The following ADARB2 variants were observed in gnomAD, a reference collection of about 807,000 sequenced individuals.
ADARB2 encodes adenosine deaminase RNA specific B2 (inactive).
In ADARB2, 25 loss-of-function variants were observed where a neutral mutation model predicts 62.2. That is an observed-to-expected ratio of 0.40 (90% confidence interval 0.29 to 0.56). ADARB2 has a LOEUF of 0.56. Among genes scored for constraint, ADARB2 ranks in the 20% least tolerant of loss-of-function variants. The probability of loss-of-function intolerance (pLI) is 0.43; values close to 1 mark genes in which losing one functional copy is unlikely to be tolerated. For missense variants in ADARB2, 1,071 were observed against 1,077.4 expected, an observed-to-expected ratio of 0.99 and a Z score of 0.08; for synonymous variants, 572 against 500.8, an observed-to-expected ratio of 1.14 and a Z score of -1.90.
intron 6 of ADARB2, among the ~76,000 whole-genome samples, chr10:1,220,750 G>T (rs1359781086): frequency 6.6e-6 from 1 of 152,042 alleles, no homozygotes; most frequent in Non-Finnish European, 1.5e-5. Flanking sequence ...CTATTATATT[G>T]TAAGGCCTTT....
intron 3 of ADARB2, among the ~76,000 whole-genome samples, chr10:1,293,759 C>T (rs778058533): frequency 2.0e-5 from 3 of 152,176 alleles, no homozygotes; most frequent in Non-Finnish European, 4.4e-5. Context: ...ACACCAACCT[C>T]GGAAGATGGT....
intron 8 of ADARB2, chr10:1,187,805 G>C (rs1000186448): frequency 2.4e-6 from 1 of 411,304 alleles, no homozygotes; most frequent in African/African-American, 2.0e-5. Context: ...GCTGGCGGGT[G>C]GGCTGCGGGG....
rs563391913 is a variant in ADARB2 at position 1,506,350 on chromosome 10, A to G, written c.101-127190T>C. Among the ~76,000 whole-genome samples, 17 of 152,304 alleles carry G rather than the reference A, an allele frequency of 1.1e-4. No individual in the cohort carries two copies. The East Asian group carries it at 2.1e-3, about 19-fold the overall frequency. On this transcript the variant is annotated intron_variant, in intron 1 of 9. Transcript: ENST00000381312. ...ATGGGGGGGAAATGCTGGAATGCCT[A>G]ATGGAAGCTTCCAGATGATAAAAGT... is the stretch of plus-strand genomic sequence containing the variant.
At chr10:1,313,194 C>T (rs1198981892) in intron 3 of ADARB2, among the ~76,000 whole-genome samples, 1 of 152,000 alleles carries the variant, frequency 6.6e-6, no homozygotes, top group Non-Finnish European at 1.5e-5. Context: ...TGGGGGAGGG[C>T]CCATTGGGGG....
rs141298814 is a variant in ADARB2, at chr10:1,184,934, C to T, written c.1970G>A (p.Arg657Gln). 1,132 of 1,613,926 alleles carry T rather than the reference C, an allele frequency of 7.0e-4. 12 individuals are homozygous for T. The African/African-American group carries it at 0.012, about 17-fold the overall frequency. The change falls in exon 9 of 10, where the codon CGG becomes CAG. Residue 657 changes from arginine to glutamine, a missense_variant. Physicochemically the swap from Arg to Gln is conservative, Grantham distance 43. Transcript: ENST00000381312. ...DLEIINATTG[R>Q]RSCGGPSRLC... is the part of the protein sequence containing the mutation. Reference sequence around the variant, plus strand: ...CCGGGATGGGCCCCCACAGCTCCTCCGCCCAGTGGTGGCGTTGATAATCTC... The same window carrying T: ...CCGGGATGGGCCCCCACAGCTCCTCTGCCCAGTGGTGGCGTTGATAATCTC...
At chr10:1,699,213 C>T (rs1192131456) in intron 1 of ADARB2, among the ~76,000 whole-genome samples, 2 of 151,836 alleles carry the variant, frequency 1.3e-5, no homozygotes, top group African/African-American at 4.8e-5. Flanking sequence ...CGCAATCCCA[C>T]TCTACCAGGA....
rs376778235 is a variant in ADARB2, at chr10:1,363,781, G to T, written c.324C>A (p.Gly108=). Residue 108 remains glycine (G), a synonymous_variant, in exon 3 of 10, where the codon GGC becomes GGA. Coordinates refer to ENST00000381312, the MANE Select transcript of ADARB2 (RefSeq NM_018702.4). ...AGACCAGCTGCAGTTTGCACAAGTG[G>T]CCCCCATTCCCCTCCTCCAGCGGCC... ...RKRPLEEGNG[G]HLCKLQLVWK... The T allele has an allele frequency of 6.2e-7, 1 of 1,601,072 alleles. No individual in the cohort carries two copies.
At chr10:1,486,210 C>CTGTGTGTG (rs61283089) in intron 1 of ADARB2, among the ~76,000 whole-genome samples, 4,003 of 142,904 alleles carry the variant, frequency 0.028, 210 homozygotes, top group Admixed American at 0.13. Flanking sequence ...GTGTGGACGC[C>CTGTGTGTG]TGTGTGTGTG....
At chr10:1,594,008 G>A (rs1399251696) in intron 1 of ADARB2, among the ~76,000 whole-genome samples, 2 of 152,164 alleles carry the variant, frequency 1.3e-5, no homozygotes, top group African/African-American at 4.8e-5. Flanking sequence ...ACAAGTCTGT[G>A]AGGCCGGGTG....
At chr10:1,362,601 C>T (rs1395028540) in intron 3 of ADARB2, among the ~76,000 whole-genome samples, 2 of 152,222 alleles carry the variant, frequency 1.3e-5, no homozygotes, top group Non-Finnish European at 2.9e-5. Flanking sequence ...ACCAGGGACC[C>T]CGTCTGGATC....
chr10:1,549,382 G>A (rs1329757128), intron 1 of ADARB2, among the ~76,000 whole-genome samples: 1 of 152,170 alleles, frequency 6.6e-6, no homozygotes, highest in Non-Finnish European at 1.5e-5. Flanking sequence ...GGAGTGGATG[G>A]ATTGTGATTC....
chr10:1,316,081 C>G (rs1831736476), intron 3 of ADARB2, among the ~76,000 whole-genome samples: 2 of 152,206 alleles, frequency 1.3e-5, no homozygotes, highest in Admixed American at 6.5e-5. Context: ...TGTTCAGGAG[C>G]AATTAATGTT....
At chr10:1,645,119 C>T (rs1834023564) in intron 1 of ADARB2, among the ~76,000 whole-genome samples, 2 of 152,212 alleles carry the variant, frequency 1.3e-5, no homozygotes, top group Admixed American at 1.3e-4. Context: ...GGGATTCTGG[C>T]AGGGGATCTG....
chr10:1,276,125 A>C (rs1224062031), intron 3 of ADARB2, among the ~76,000 whole-genome samples: 1 of 152,118 alleles, frequency 6.6e-6, no homozygotes, highest in East Asian at 1.9e-4. Flanking sequence ...TCCCACCAAC[A>C]GTGTAAAAGT....
At chr10:1,231,513 T>A (rs1564228887) in intron 6 of ADARB2, among the ~76,000 whole-genome samples, 1 of 152,226 alleles carries the variant, frequency 6.6e-6, no homozygotes, top group East Asian at 1.9e-4. Context: ...CTGTGTGATC[T>A]TGTGGGGCCA....
intron 1 of ADARB2, among the ~76,000 whole-genome samples, chr10:1,714,766 T>C (rs368903564): frequency 2.4e-4 from 37 of 152,362 alleles, no homozygotes; most frequent in South Asian, 1.9e-3. Context: ...CCCAGGGGTG[T>C]ATTTTATAGC....
intron 1 of ADARB2, among the ~76,000 whole-genome samples, chr10:1,559,866 C>T (rs1832763870): frequency 6.6e-6 from 1 of 152,238 alleles, no homozygotes; most frequent in Non-Finnish European, 1.5e-5. Flanking sequence ...GTGACATTCT[C>T]ATCATCGCTA....
intron 1 of ADARB2, among the ~76,000 whole-genome samples, chr10:1,530,583 C>T (rs1360492094): frequency 1.3e-5 from 2 of 152,174 alleles, no homozygotes; most frequent in Admixed American, 1.3e-4. Flanking sequence ...CTTTTCTGTT[C>T]ATCAGCCTCG....
At chr10:1,226,263 G>T (rs1830744389) in intron 6 of ADARB2, among the ~76,000 whole-genome samples, 1 of 152,086 alleles carries the variant, frequency 6.6e-6, no homozygotes, top group South Asian at 2.1e-4. Context: ...AGCTCCATCA[G>T]GTCCTTTAAG....
Sources: allele counts gnomAD v4.1 joint callset (sites outside exome capture counted in the v4.1 genomes callset), GRCh38; gene constraint gnomAD v4.1.1; transcripts MANE v1.5; gene names NCBI Gene and HGNC (gene_info 2026-07-23, HGNC 2026-07-21).